The following KALRN variants were observed in gnomAD, a reference collection of about 807,000 sequenced individuals.
KALRN encodes kalirin.
KALRN carries 70 observed loss-of-function variants against 353.7 expected under a neutral mutation model. The observed-to-expected ratio is 0.20, with a 90% confidence interval of 0.16 to 0.24. The LOEUF is 0.24. KALRN is among the 10% of genes least tolerant of loss of function. The pLI is 1.00. For missense variants in KALRN, 2,791 were observed against 3,756.7 expected, an observed-to-expected ratio of 0.74 and a Z score of 6.72; for synonymous variants, 1,391 against 1,434.8, an observed-to-expected ratio of 0.97 and a Z score of 0.69.
intron 14 of KALRN, 79 bp from the exon 15 acceptor site, chr3:124,422,733 T>C (rs928337550): frequency 8.3e-7 from 1 of 1,200,664 alleles, no homozygotes; most frequent in Admixed American, 2.2e-5. Flanking sequence ...CAAATTCCAG[T>C]TTTCTTATGC....
intron 1 of KALRN, among the ~76,000 whole-genome samples, chr3:124,165,635 A>G (rs2070719538): frequency 6.6e-6 from 1 of 152,186 alleles, no homozygotes; most frequent in Non-Finnish European, 1.5e-5. Context: ...GACTTTCTCG[A>G]GCCCCTCCCT....
At chr3:124,297,032 A>G (rs1166562668) in intron 5 of KALRN, among the ~76,000 whole-genome samples, 1 of 152,210 alleles carries the variant, frequency 6.6e-6, no homozygotes, top group Non-Finnish European at 1.5e-5. Context: ...ATTATAATAA[A>G]GTTGTATCTG....
At chr3:124,356,004 C>T (rs757800277) in intron 10 of KALRN, among the ~76,000 whole-genome samples, 9 of 151,982 alleles carry the variant, frequency 5.9e-5, no homozygotes, top group African/African-American at 2.2e-4. Flanking sequence ...CGTGAGCCAC[C>T]GCGCCCAGCC....
At chr3:124,702,260 G>T in intron 57 of KALRN, 144 bp downstream of exon 57, 1 of 507,612 alleles carries the variant, frequency 2.0e-6, no homozygotes, top group Non-Finnish European at 3.4e-6. Flanking sequence ...ATATTCGTTT[G>T]TATTTTCTAC....
chr3:124,718,864 G>A, intron 59 of KALRN, 61 bp from the exon 60 acceptor site: 1 of 1,413,734 alleles, frequency 7.1e-7, no homozygotes, highest in East Asian at 2.3e-5. Flanking sequence ...GGTATTTTGA[G>A]TAGTCAAAAT....
At chr3:124,312,005 G>A (rs1477883654) in intron 6 of KALRN, among the ~76,000 whole-genome samples, 2 of 152,166 alleles carry the variant, frequency 1.3e-5, no homozygotes, top group Non-Finnish European at 2.9e-5. Context: ...AATGGAAGGG[G>A]TATAAGAGAG....
intron 34 of KALRN, among the ~76,000 whole-genome samples, chr3:124,564,246 TG>T (rs1289604068): frequency 2.2e-5 from 3 of 138,714 alleles, no homozygotes; most frequent in African/African-American, 8.0e-5. Flanking sequence ...CTGGGCAAGG[TG>T]GTGTTCACTT....
rs763517719 is a variant in KALRN, at chr3:124,699,938, C to T, written c.7901C>T (p.Pro2634Leu). ...DTYLVIEDLS[P>L]GCPYQFRVSA... ...TACCTCGTCATCGAAGACCTTAGTC[C>T]CGGGTGTCCTTATCAGTTCAGAGTC... The change falls in exon 56 of 60, where the codon CCC (proline) becomes CTC (leucine). Residue 2634 changes from proline (P) to leucine (L), a missense_variant. Pro to Leu is a moderately conservative substitution (Grantham distance 98, BLOSUM62 -3). This residue lies in a region of KALRN where 1,065 missense variants were observed against 1,156.4 expected (regional missense o/e 0.92). Coordinates refer to ENST00000682506, the MANE Select transcript of KALRN (RefSeq NM_001388419.1). 1 of 1,614,180 alleles carries T rather than the reference C, an allele frequency of 6.2e-7. No individual in the cohort carries two copies. The highest frequency in any genetic ancestry group is 1.1e-5 in the South Asian group (1 of 91,090).
chr3:124,213,795 A>G (rs1449826237), intron 1 of KALRN, among the ~76,000 whole-genome samples: 3 of 152,186 alleles, frequency 2.0e-5, no homozygotes, highest in South Asian at 2.1e-4. Context: ...TCTTTTAGTC[A>G]TAAGACAATT....
chr3:124,725,625 G>A lies in KALRN; in HGVS notation c.*6155G>A, dbSNP rs546368642. ...ACCATTAGGGCTAATTTGTGGAGAC[G>A]AATTCTACTCATTCTGGAATTAATT... On this transcript the variant is annotated 3_prime_UTR_variant, in exon 60 of 60. Coordinates refer to ENST00000682506, the MANE Select transcript of KALRN (RefSeq NM_001388419.1). 1 of 152,166 alleles carries A rather than the reference G, an allele frequency of 6.6e-6. No individual in the cohort carries two copies. Among genetic ancestry groups the A allele is most frequent in the Non-Finnish European group, 1.5e-5 (1 of 68,028 alleles). 9.4% of individuals were successfully genotyped at this position (152,166 alleles called of 1,614,324 possible). A position where few individuals can be genotyped will look rare whatever the true frequency, so the allele number is the denominator to read the frequency against.
At chr3:124,509,179 A>G (rs2108792951) in intron 33 of KALRN, among the ~76,000 whole-genome samples, 1 of 152,282 alleles carries the variant, frequency 6.6e-6, no homozygotes, top group Non-Finnish European at 1.5e-5. Flanking sequence ...TTAGAGGCTC[A>G]TGTGATGTGA....
At chr3:124,625,877 T>C (rs910135204) in intron 34 of KALRN, among the ~76,000 whole-genome samples, 8 of 152,126 alleles carry the variant, frequency 5.3e-5, no homozygotes, top group Non-Finnish European at 1.0e-4. Flanking sequence ...GGTCAGGAGT[T>C]TGAGACCAGC....
At chr3:124,665,602 C>A (rs1447016466) in intron 45 of KALRN, among the ~76,000 whole-genome samples, 1 of 152,074 alleles carries the variant, frequency 6.6e-6, no homozygotes, top group Middle Eastern at 3.2e-3. Flanking sequence ...GTAGCTGGGA[C>A]TACAGGCACA....
chr3:124,144,575 A>G (rs143761342), intron 1 of KALRN, among the ~76,000 whole-genome samples: 1 of 125,772 alleles, frequency 8.0e-6, no homozygotes, highest in East Asian at 2.3e-4. Context: ...CCTATTCCTC[A>G]TCCTCCTCCT....
intron 9 of KALRN, among the ~76,000 whole-genome samples, chr3:124,344,542 C>T (rs1182883147): frequency 6.6e-6 from 1 of 152,202 alleles, no homozygotes; most frequent in Non-Finnish European, 1.5e-5. Flanking sequence ...CATATATTAA[C>T]TATGTTTATC....
At chr3:124,149,744 C>T (rs1319143300) in intron 1 of KALRN, among the ~76,000 whole-genome samples, 1 of 152,160 alleles carries the variant, frequency 6.6e-6, no homozygotes, top group Non-Finnish European at 1.5e-5. Context: ...CTATTGGTAT[C>T]TAGGAAACTC....
At chr3:124,329,559 C>T (rs1417937792) in intron 7 of KALRN, among the ~76,000 whole-genome samples, 1 of 152,176 alleles carries the variant, frequency 6.6e-6, no homozygotes, top group Non-Finnish European at 1.5e-5. Context: ...TGTTTCCATA[C>T]CTGGACATTA....
At chr3:124,400,846 G>C (rs892723697) in intron 13 of KALRN, among the ~76,000 whole-genome samples, 13 of 152,180 alleles carry the variant, frequency 8.5e-5, no homozygotes. Flanking sequence ...TGGTTTTGCT[G>C]TTGTACTTCT....
intron 6 of KALRN, among the ~76,000 whole-genome samples, chr3:124,322,046 A>G (rs2079390660): frequency 6.6e-6 from 1 of 152,228 alleles, no homozygotes; most frequent in African/African-American, 2.4e-5. Flanking sequence ...GGTTAGTCTG[A>G]GCATCTCAGA....
Sources: gnomAD v4.1 joint callset for allele counts (sites outside exome capture counted in the v4.1 genomes callset) on GRCh38, gnomAD v4.1.1 for gene constraint, gnomAD v4.1.1 regional missense constraint, MANE v1.5 for transcripts, NCBI Gene and HGNC (gene_info 2026-07-23, HGNC 2026-07-21) for gene names.